The following DLG2 variants were observed in gnomAD, a reference collection of about 807,000 sequenced individuals.
DLG2 encodes disks large homolog 2.
A neutral mutation model predicts 132.5 loss-of-function variants in DLG2; 45 were observed. That is an observed-to-expected ratio of 0.34 (90% CI 0.27 to 0.44). The LOEUF is 0.44. Ranked by LOEUF, DLG2 falls within the 20% of genes least tolerant of loss-of-function variation. DLG2 has a pLI of 1.00. For synonymous variants in DLG2, 424 were observed against 419.6 expected (o/e 1.01, Z -0.13); for missense variants, 1,045 against 1,196.9 (o/e 0.87, Z 1.87).
At chr11:84,313,641 A>AAAAGAAAGAAAGAAAAAG (rs2098321432) in intron 7 of DLG2, among the ~76,000 whole-genome samples, 1 of 129,180 alleles carries the variant, frequency 7.7e-6, no homozygotes. Flanking sequence ...GAAAGAGAGA[A>AAAAGAAAGAAAGAAAAAG]AAAGAAAGAA....
intron 14 of DLG2, 74 bp from the exon 15 acceptor site, chr11:83,930,557 C>G: frequency 7.1e-7 from 1 of 1,416,656 alleles, no homozygotes; most frequent in Non-Finnish European, 9.6e-7. Flanking sequence ...CCAGTAGCAT[C>G]TCAGCATGTG....
intron 21 of DLG2, among the ~76,000 whole-genome samples, chr11:83,498,618 T>G (rs1348119827): frequency 6.7e-6 from 1 of 149,932 alleles, no homozygotes; most frequent in Non-Finnish European, 1.5e-5. Context: ...AGGAATAATC[T>G]AATCTTCTAC....
intron 3 of DLG2, among the ~76,000 whole-genome samples, chr11:85,338,398 A>G (rs2082267338): frequency 6.6e-6 from 1 of 152,196 alleles, no homozygotes; most frequent in South Asian, 2.1e-4. Flanking sequence ...TAATGTTTTC[A>G]CAGTTACTTA....
At chr11:84,285,852 T>C (rs1021372258) in intron 7 of DLG2, among the ~76,000 whole-genome samples, 6 of 152,240 alleles carry the variant, frequency 3.9e-5, no homozygotes, top group Non-Finnish European at 8.8e-5. Context: ...ATGTATCATC[T>C]ATATATAGAT....
At chr11:85,173,733 CAT>C (rs2079032334) in intron 4 of DLG2, among the ~76,000 whole-genome samples, 1 of 152,182 alleles carries the variant, frequency 6.6e-6, no homozygotes, top group African/African-American at 2.4e-5. Context: ...AGACCCATCT[CAT>C]GTGTAAAGAC....
At chr11:85,286,961 C>A (rs1247544673) in intron 3 of DLG2, among the ~76,000 whole-genome samples, 1 of 152,152 alleles carries the variant, frequency 6.6e-6, no homozygotes, top group South Asian at 2.1e-4. Flanking sequence ...CATGAAAGAG[C>A]TGCCAAAGAT....
intron 3 of DLG2, among the ~76,000 whole-genome samples, chr11:85,393,651 G>A (rs2087011125): frequency 6.6e-6 from 1 of 151,644 alleles, no homozygotes; most frequent in Admixed American, 6.6e-5. Flanking sequence ...GTGTGTGTGT[G>A]TGTGTGTGTG....
At chr11:84,206,240 A>AG (rs2096663596) in intron 8 of DLG2, among the ~76,000 whole-genome samples, 2 of 152,110 alleles carry the variant, frequency 1.3e-5, no homozygotes, top group Admixed American at 1.3e-4. Context: ...TGTTGAAAAC[A>AG]TTGAATGTGA....
intron 6 of DLG2, among the ~76,000 whole-genome samples, chr11:84,576,731 T>G (rs1487848856): frequency 3.3e-5 from 5 of 152,182 alleles, no homozygotes; most frequent in African/African-American, 1.2e-4. Flanking sequence ...AGATAATTTA[T>G]TTATTAGGTA....
intron 19 of DLG2, among the ~76,000 whole-genome samples, chr11:83,578,798 C>T (rs2096923401): frequency 6.6e-6 from 1 of 152,108 alleles, no homozygotes; most frequent in Admixed American, 6.5e-5. Context: ...ATAGACTACC[C>T]ATCAACAATA....
intron 4 of DLG2, among the ~76,000 whole-genome samples, chr11:85,182,911 A>T (rs1177428130): frequency 6.6e-6 from 1 of 150,744 alleles, no homozygotes; most frequent in East Asian, 1.9e-4. Flanking sequence ...GAGAAATTCT[A>T]AATGACACCC....
At chr11:85,616,455 T>G (rs1170576526) in intron 2 of DLG2, among the ~76,000 whole-genome samples, 2 of 152,148 alleles carry the variant, frequency 1.3e-5, no homozygotes, top group Non-Finnish European at 2.9e-5. Context: ...ATATTAAAAC[T>G]TTTTTCTACC....
intron 7 of DLG2, among the ~76,000 whole-genome samples, chr11:84,483,972 G>A (rs1239887738): frequency 6.6e-6 from 1 of 152,150 alleles, no homozygotes. Context: ...CTTACCAATA[G>A]ATCTTTATGA....
chr11:84,066,598 A>G (rs1487525151), intron 10 of DLG2, among the ~76,000 whole-genome samples: 3 of 152,090 alleles, frequency 2.0e-5, no homozygotes, highest in Non-Finnish European at 2.9e-5. Flanking sequence ...TGTCTGTGCT[A>G]AAAATACAAA....
chr11:84,704,863 A>G lies in DLG2; in HGVS notation c.358-170132T>C, dbSNP rs970346931. On this transcript the variant is annotated intron_variant, in intron 6 of 27. Coordinates refer to ENST00000376104, the MANE Select transcript of DLG2 (RefSeq NM_001142699.3). ...CTAGTTAATTCATATATATATATACACACACACACACATATATATACACAT... is the reference window on the plus strand; with the variant it reads ...CTAGTTAATTCATATATATATATACGCACACACACACATATATATACACAT... 1.2e-4 allele frequency among the ~76,000 whole-genome samples: 18 copies of G among 149,302 alleles called. 1 individual carries two copies. The highest frequency in any genetic ancestry group is 7.1e-3 in the Middle Eastern group (2 of 282).
At chr11:84,022,665 C>T (rs568351593) in intron 11 of DLG2, among the ~76,000 whole-genome samples, 31 of 152,098 alleles carry the variant, frequency 2.0e-4, no homozygotes, top group African/African-American at 6.5e-4. Flanking sequence ...ACTGAAAGAA[C>T]GGTTCTTTTT....
intron 6 of DLG2, among the ~76,000 whole-genome samples, chr11:85,083,634 T>C (rs954961034): frequency 1.3e-5 from 2 of 152,136 alleles, no homozygotes; most frequent in Admixed American, 6.5e-5. Context: ...GGGGGGCTTC[T>C]AGGTCATAGG....
chr11:83,820,100 A>T (rs117731179), intron 17 of DLG2, among the ~76,000 whole-genome samples: 4,634 of 152,310 alleles, frequency 0.03, 104 homozygotes, highest in Middle Eastern at 0.085. Flanking sequence ...GCAAAAGGCC[A>T]CATTCCACTA....
At chr11:83,828,240 A>C (rs1001532312) in intron 17 of DLG2, among the ~76,000 whole-genome samples, 16 of 152,286 alleles carry the variant, frequency 1.1e-4, no homozygotes, top group African/African-American at 3.8e-4. Flanking sequence ...GGGGATTATA[A>C]AAATTAGCTG....
Sources: gnomAD v4.1 joint callset for allele counts (sites outside exome capture counted in the v4.1 genomes callset) on GRCh38, gnomAD v4.1.1 for gene constraint, MANE v1.5 for transcripts, NCBI Gene and HGNC (gene_info 2026-07-23, HGNC 2026-07-21) for gene names.